NELL1: variants seen among roughly 807,000 people sequenced by gnomAD.
The protein encoded by NELL1 is protein kinase C-binding protein NELL1.
Under a neutral mutation model 107.4 loss-of-function variants are expected in NELL1, and 76 were observed. That is an observed-to-expected ratio of 0.71 (90% CI 0.59 to 0.86). The LOEUF (loss-of-function observed/expected upper bound fraction) is 0.86. NELL1 is among the 40% of genes least tolerant of loss of function. The pLI is 0.00. For synonymous variants in NELL1, 353 were observed against 341.2 expected, an observed-to-expected ratio of 1.03 and a Z score of -0.38; for missense variants, 1,024 against 1,005.5, an observed-to-expected ratio of 1.02 and a Z score of -0.25.
At chr11:21,227,651 A>G (rs1857929329) in intron 13 of NELL1, among the ~76,000 whole-genome samples, 1 of 152,214 alleles carries the variant, frequency 6.6e-6, no homozygotes, top group South Asian at 2.1e-4. Context: ...GCACAAGGGT[A>G]TACTGTTTCT....
chr11:21,273,553 C>G (rs936394434), intron 14 of NELL1, among the ~76,000 whole-genome samples: 2 of 152,164 alleles, frequency 1.3e-5, no homozygotes, highest in Non-Finnish European at 2.9e-5. Context: ...AGACAGAGAA[C>G]ACCACAAAGA....
chr11:21,470,077 T>G (rs55684266), intron 15 of NELL1, among the ~76,000 whole-genome samples: 1 of 152,076 alleles, frequency 6.6e-6, no homozygotes, highest in Non-Finnish European at 1.5e-5. Context: ...GGTACTTATA[T>G]ATGTAGTTTT....
At chr11:21,161,516 G>T (rs766456263) in intron 13 of NELL1, among the ~76,000 whole-genome samples, 6 of 152,120 alleles carry the variant, frequency 3.9e-5, no homozygotes, top group Non-Finnish European at 8.8e-5. Context: ...CAGCCTGGGT[G>T]ACAGAATGAG....
rs555957628 is a variant in NELL1 at position 20,930,894 on chromosome 11, G to A, written c.997+2415G>A. Among the ~76,000 whole-genome samples, 15 of 149,322 alleles carry A rather than the reference G, an allele frequency of 1.0e-4. No individual in the cohort carries two copies. The South Asian group carries it at 3.2e-3, about 31-fold the overall frequency. Reference sequence around the variant, plus strand: ...TCACAGCTCTGATTGGTAGTTTGATGTGTTCAGAGTTTAATAAAGTGGGAA... The same window carrying A: ...TCACAGCTCTGATTGGTAGTTTGATATGTTCAGAGTTTAATAAAGTGGGAA... On this transcript the variant is annotated intron_variant, in intron 9 of 19. Coordinates refer to ENST00000357134, the MANE Select transcript of NELL1 (RefSeq NM_006157.5).
chr11:20,921,796 G>GT (rs34327396), intron 7 of NELL1, among the ~76,000 whole-genome samples: 81,443 of 137,008 alleles, frequency 0.59, 26,802 homozygotes, highest in Non-Finnish European at 0.73. Context: ...TTTATTGTGT[G>GT]TGTTTTTTTT....
intron 13 of NELL1, among the ~76,000 whole-genome samples, chr11:21,122,844 G>T (rs1855400437): frequency 6.6e-6 from 1 of 152,124 alleles, no homozygotes; most frequent in South Asian, 2.1e-4. Context: ...GACTCAACTG[G>T]CTTAAATGAC....
intron 15 of NELL1, among the ~76,000 whole-genome samples, chr11:21,529,816 TAA>T (rs576870424): frequency 5.1e-4 from 77 of 152,258 alleles, no homozygotes; most frequent in African/African-American, 1.3e-3. Flanking sequence ...AGACTGTGCT[TAA>T]GAGTCTTTTT....
chr11:21,534,433 C>T lies in NELL1; in HGVS notation c.1705C>T (p.Leu569=). 1 of 1,613,874 alleles carries T rather than the reference C, an allele frequency of 6.2e-7. No homozygotes were observed. Among genetic ancestry groups the T allele is most frequent in the South Asian group, 1.1e-5 (1 of 91,086 alleles). The change falls in exon 16 of 20, where the codon CTG becomes TTG. Residue 569 remains leucine (L), a synonymous_variant. Coordinates refer to ENST00000357134, the MANE Select transcript of NELL1 (RefSeq NM_006157.5). Reference sequence around the variant, plus strand: ...CCACAACCATTCCCGCTGCGTTAACCTGCCAGGGTGGTACCACTGTGAGTG... The same window carrying T: ...CCACAACCATTCCCGCTGCGTTAACTTGCCAGGGTGGTACCACTGTGAGTG... ...ECHNHSRCVN[L]PGWYHCECRS...
At chr11:21,126,650 C>T (rs1482310076) in intron 13 of NELL1, among the ~76,000 whole-genome samples, 1 of 152,166 alleles carries the variant, frequency 6.6e-6, no homozygotes, top group Non-Finnish European at 1.5e-5. Flanking sequence ...GACCTGTTCA[C>T]CATATTTCCT....
intron 15 of NELL1, among the ~76,000 whole-genome samples, chr11:21,398,614 G>A (rs1355299333): frequency 6.6e-6 from 1 of 151,698 alleles, no homozygotes; most frequent in African/African-American, 2.4e-5. Context: ...AGTGAGGAGG[G>A]CAGTTAGAAG....
intron 1 of NELL1, among the ~76,000 whole-genome samples, chr11:20,670,860 T>G (rs78506269): frequency 6.6e-6 from 1 of 152,158 alleles, no homozygotes; most frequent in Non-Finnish European, 1.5e-5. Flanking sequence ...ATTTCCTTCT[T>G]TAGAGGCGTG....
At chr11:21,073,561 A>G (rs1360608231) in intron 12 of NELL1, among the ~76,000 whole-genome samples, 3 of 152,324 alleles carry the variant, frequency 2.0e-5, no homozygotes, top group Non-Finnish European at 1.5e-5. Flanking sequence ...CAAGACCTTG[A>G]TGCTTAAAGC....
intron 13 of NELL1, among the ~76,000 whole-genome samples, chr11:21,144,686 A>T (rs1224007502): frequency 6.6e-6 from 1 of 152,158 alleles, no homozygotes; most frequent in Non-Finnish European, 1.5e-5. Flanking sequence ...CAAGAGCGTG[A>T]TAGGAAATGA....
At chr11:21,560,055 A>G (rs1047359966) in intron 16 of NELL1, 134 bp from the exon 17 acceptor site, 19 of 791,254 alleles carry the variant, frequency 2.4e-5, no homozygotes, top group Admixed American at 5.7e-5. Flanking sequence ...GAGATAATAC[A>G]TGTGAACAGC....
At chr11:20,981,333 A>T (rs140630836) in intron 12 of NELL1, among the ~76,000 whole-genome samples, 288 of 152,304 alleles carry the variant, frequency 1.9e-3, no homozygotes, top group African/African-American at 6.3e-3. Flanking sequence ...AGTAGGAATC[A>T]TAAGTCTGTT....
At chr11:21,529,698 C>G (rs1399385226) in intron 15 of NELL1, among the ~76,000 whole-genome samples, 1 of 152,054 alleles carries the variant, frequency 6.6e-6, no homozygotes, top group Non-Finnish European at 1.5e-5. Flanking sequence ...TAGTCCTAAC[C>G]AGTTTCCTGA....
At chr11:21,151,115 G>A (rs554684152) in intron 13 of NELL1, among the ~76,000 whole-genome samples, 2 of 152,272 alleles carry the variant, frequency 1.3e-5, no homozygotes, top group Non-Finnish European at 2.9e-5. Context: ...AATTTGATGT[G>A]AGATTTGGGT....
intron 2 of NELL1, among the ~76,000 whole-genome samples, chr11:20,731,382 G>A (rs1481406604): frequency 5.3e-5 from 8 of 152,196 alleles, no homozygotes; most frequent in African/African-American, 1.9e-4. Context: ...AATGAAAGAA[G>A]GGGAGAGAGT....
At chr11:20,677,162 A>G (rs1195679287) in intron 1 of NELL1, among the ~76,000 whole-genome samples, 4 of 152,198 alleles carry the variant, frequency 2.6e-5, no homozygotes, top group African/African-American at 7.2e-5. Flanking sequence ...GGATGGAAAT[A>G]TATATCCATT....
Sources: allele counts gnomAD v4.1 joint callset (sites outside exome capture counted in the v4.1 genomes callset), GRCh38; gene constraint gnomAD v4.1.1; transcripts MANE v1.5; gene names NCBI Gene and HGNC (gene_info 2026-07-23, HGNC 2026-07-21).